The following FRMD3 variants were observed in gnomAD, a reference collection of about 807,000 sequenced individuals.
FRMD3 encodes FERM domain containing 3, also known as FERM domain-containing protein 3.
FRMD3 carries 33 observed loss-of-function variants against 70.2 expected under a neutral mutation model. That is an observed-to-expected ratio of 0.47 (90% CI 0.36 to 0.63). The LOEUF (loss-of-function observed/expected upper bound fraction) is 0.63. FRMD3 is among the 20% of genes least tolerant of loss of function. The pLI is 0.00. For synonymous variants in FRMD3, 279 were observed against 255.9 expected (o/e 1.09, Z -0.86); for missense variants, 632 against 711.4 (o/e 0.89, Z 1.27).
At chr9:83,451,831 C>T (rs1340684651) in intron 1 of FRMD3, among the ~76,000 whole-genome samples, 1 of 152,154 alleles carries the variant, frequency 6.6e-6, no homozygotes, top group African/African-American at 2.4e-5. Flanking sequence ...TATTAATAAT[C>T]TAACAATTTA....
At chr9:83,308,407 C>T (rs79192202) in intron 10 of FRMD3, among the ~76,000 whole-genome samples, 1 of 152,164 alleles carries the variant, frequency 6.6e-6, no homozygotes, top group Admixed American at 6.5e-5. Flanking sequence ...CCATCATTCT[C>T]CTGATGGTTC....
At chr9:83,272,057 GCTCTCC>G (rs1213296693) in intron 13 of FRMD3, among the ~76,000 whole-genome samples, 1 of 151,984 alleles carries the variant, frequency 6.6e-6, no homozygotes, top group East Asian at 1.9e-4. Flanking sequence ...CACTGCTCCT[GCTCTCC>G]CTCTCCCTCC....
upstream of FRMD3, among the ~76,000 whole-genome samples, chr9:83,539,220 C>T (rs774445748): frequency 6.6e-6 from 1 of 152,132 alleles, no homozygotes; most frequent in Non-Finnish European, 1.5e-5. Flanking sequence ...CCGTTTTAGT[C>T]CAATCTCTGG....
intron 1 of FRMD3, among the ~76,000 whole-genome samples, chr9:83,479,398 A>G (rs1270296526): frequency 9.3e-6 from 1 of 108,006 alleles, no homozygotes; most frequent in African/African-American, 3.6e-5. Context: ...AAAGGAAGAA[A>G]GGAGGGAGGG....
chr9:83,336,072 T>C (rs1020989492), intron 5 of FRMD3, among the ~76,000 whole-genome samples: 1 of 152,074 alleles, frequency 6.6e-6, no homozygotes, highest in African/African-American at 2.4e-5. Flanking sequence ...AGTCAAAGAA[T>C]ACAGGATTTC....
intron 2 of FRMD3, among the ~76,000 whole-genome samples, chr9:83,377,790 C>G (rs934093508): frequency 6.6e-6 from 1 of 152,122 alleles, no homozygotes; most frequent in African/African-American, 2.4e-5. Context: ...ATAAATTACC[C>G]AGTCTCAGGT....
chr9:83,420,496 G>A (rs1826600760), intron 1 of FRMD3, among the ~76,000 whole-genome samples: 2 of 152,210 alleles, frequency 1.3e-5, no homozygotes, highest in South Asian at 2.1e-4. Flanking sequence ...CTCTCCTAAT[G>A]GCAACAGTAA....
intron 3 of FRMD3, among the ~76,000 whole-genome samples, chr9:83,357,283 AT>A (rs1188259990): frequency 1.4e-5 from 1 of 69,376 alleles, no homozygotes; most frequent in Non-Finnish European, 2.7e-5. Context: ...ATATATATAT[AT>A]ATATATATAT....
chr9:83,388,468 T>G (rs1825573079), intron 2 of FRMD3, among the ~76,000 whole-genome samples: 1 of 152,168 alleles, frequency 6.6e-6, no homozygotes, highest in Non-Finnish European at 1.5e-5. Context: ...GTACTGAGCC[T>G]CTGAGCATAT....
intron 1 of FRMD3, among the ~76,000 whole-genome samples, chr9:83,418,917 G>A (rs1001010853): frequency 7.9e-5 from 12 of 152,138 alleles, no homozygotes; most frequent in Non-Finnish European, 1.6e-4. Flanking sequence ...AATAAAATGT[G>A]TTTTTCTTAT....
intron 13 of FRMD3, among the ~76,000 whole-genome samples, chr9:83,276,986 C>T (rs1287633548): frequency 6.6e-6 from 1 of 152,036 alleles, no homozygotes; most frequent in Admixed American, 6.6e-5. Context: ...GCGTGAGCCA[C>T]CGCACCCAGC....
intron 1 of FRMD3, among the ~76,000 whole-genome samples, chr9:83,474,086 T>C (rs1381564881): frequency 6.6e-6 from 1 of 152,194 alleles, no homozygotes; most frequent in Non-Finnish European, 1.5e-5. Context: ...TACATACACA[T>C]TATCTATGCA....
intron 2 of FRMD3, among the ~76,000 whole-genome samples, chr9:83,378,852 TATATAA>T (rs1250657600): frequency 7.6e-6 from 1 of 130,768 alleles, no homozygotes; most frequent in Non-Finnish European, 1.5e-5. Context: ...ATATAAATTT[TATATAA>T]ATATATATAC....
chr9:83,462,431 A>G (rs1828002127), intron 1 of FRMD3, among the ~76,000 whole-genome samples: 2 of 152,128 alleles, frequency 1.3e-5, no homozygotes, highest in South Asian at 2.1e-4. Flanking sequence ...CCCAGCTGGC[A>G]TCTCAGGTCC....
the FRMD3 span, among the ~76,000 whole-genome samples, chr9:83,553,746 G>A: frequency 6.6e-6 from 1 of 152,160 alleles, no homozygotes; most frequent in African/African-American, 2.4e-5. Context: ...TTGTCCTTCA[G>A]CTCCTGTACC....
At chr9:83,554,505 C>T in the FRMD3 span, among the ~76,000 whole-genome samples, 3 of 152,174 alleles carry the variant, frequency 2.0e-5, no homozygotes, top group Admixed American at 1.3e-4. Context: ...ACAAAATGAA[C>T]GGTTTGTGCT....
intron 1 of FRMD3, among the ~76,000 whole-genome samples, chr9:83,506,418 G>A (rs944536887): frequency 2.0e-5 from 3 of 152,210 alleles, no homozygotes; most frequent in Non-Finnish European, 2.9e-5. Flanking sequence ...CTATGTGGTA[G>A]AGCCTATTGC....
At chr9:83,344,724 C>T (rs1823892277) in intron 4 of FRMD3, among the ~76,000 whole-genome samples, 1 of 152,090 alleles carries the variant, frequency 6.6e-6, no homozygotes. Flanking sequence ...TTACAGACAG[C>T]AGATCATGGA....
intron 1 of FRMD3, among the ~76,000 whole-genome samples, chr9:83,414,223 T>C (rs1247182050): frequency 6.6e-6 from 1 of 152,204 alleles, no homozygotes; most frequent in Admixed American, 6.5e-5. Context: ...ATTGGCGAGA[T>C]GGTTGCACAA....
Sources: gnomAD v4.1 joint callset for allele counts (sites outside exome capture counted in the v4.1 genomes callset) on GRCh38, gnomAD v4.1.1 for gene constraint, MANE v1.5 for transcripts, NCBI Gene and HGNC (gene_info 2026-07-23, HGNC 2026-07-21) for gene names.